Variants in CSMD1 observed in about 807,000 individuals in gnomAD.
CSMD1 encodes the protein CUB and Sushi multiple domains 1.
Under a neutral mutation model 417.5 loss-of-function variants are expected in CSMD1, and 213 were observed. That is an observed-to-expected ratio of 0.51 (90% confidence interval 0.46 to 0.57). The LOEUF is 0.57. Among genes scored for constraint, CSMD1 ranks in the 20% least tolerant of loss-of-function variants. The pLI is 0.00. For synonymous variants in CSMD1, 2,862 were observed against 1,736.8 expected (o/e 1.65, Z -16.11); for missense variants, 6,923 against 4,529.7 (o/e 1.53, Z -15.17).
At chr8:4,148,577 G>C (rs1024444038) in intron 3 of CSMD1, among the ~76,000 whole-genome samples, 2 of 152,080 alleles carry the variant, frequency 1.3e-5, no homozygotes, top group Non-Finnish European at 2.9e-5. Flanking sequence ...TCAAGCTCTA[G>C]GAGACCAGCT....
At chr8:4,081,388 G>T (rs1001539217) in intron 3 of CSMD1, among the ~76,000 whole-genome samples, 1 of 152,136 alleles carries the variant, frequency 6.6e-6, no homozygotes, top group Non-Finnish European at 1.5e-5. Flanking sequence ...TCTGAATATA[G>T]ATGATTATAA....
chr8:3,925,725 T>C (rs1321801079), intron 5 of CSMD1, among the ~76,000 whole-genome samples: 1 of 152,100 alleles, frequency 6.6e-6, no homozygotes, highest in African/African-American at 2.4e-5. Flanking sequence ...CCTCCCGCCA[T>C]GATTCTGAGG....
At chr8:4,888,497 T>A (rs1304995739) in intron 1 of CSMD1, among the ~76,000 whole-genome samples, 1 of 151,518 alleles carries the variant, frequency 6.6e-6, no homozygotes, top group Non-Finnish European at 1.5e-5. Context: ...AAGGATAGAC[T>A]GATAGATGAG....
At chr8:4,363,392 G>A (rs1020226086) in intron 3 of CSMD1, among the ~76,000 whole-genome samples, 1 of 151,990 alleles carries the variant, frequency 6.6e-6, no homozygotes, top group African/African-American at 2.4e-5. Context: ...TACGTAAGAG[G>A]GATAAAAAAA....
At chr8:3,944,524 T>C (rs1174619588) in intron 5 of CSMD1, among the ~76,000 whole-genome samples, 1 of 152,044 alleles carries the variant, frequency 6.6e-6, no homozygotes, top group East Asian at 1.9e-4. Flanking sequence ...AGAGTTTGAG[T>C]TTTAATTACC....
intron 2 of CSMD1, among the ~76,000 whole-genome samples, chr8:4,611,101 C>A (rs1448454542): frequency 6.6e-6 from 1 of 152,024 alleles, no homozygotes; most frequent in Non-Finnish European, 1.5e-5. Flanking sequence ...TTGCCTACTG[C>A]ACTCTTCTCC....
At chr8:4,915,736 G>A (rs1806021209) in intron 1 of CSMD1, among the ~76,000 whole-genome samples, 1 of 152,240 alleles carries the variant, frequency 6.6e-6, no homozygotes, top group Non-Finnish European at 1.5e-5. Flanking sequence ...TTTGGAGACA[G>A]ACATCCATTT....
intron 47 of CSMD1, among the ~76,000 whole-genome samples, chr8:3,093,840 G>T (rs28505886): frequency 0.061 from 9,223 of 152,218 alleles, 299 homozygotes; most frequent in Non-Finnish European, 0.08. Flanking sequence ...GAGAAGAAAT[G>T]ATATTAATAG....
At chr8:3,837,467 G>A (rs1802787099) in intron 5 of CSMD1, among the ~76,000 whole-genome samples, 1 of 152,074 alleles carries the variant, frequency 6.6e-6, no homozygotes, top group South Asian at 2.1e-4. Flanking sequence ...ATGTCCTCCT[G>A]GGACCTAATG....
Position 4,936,070 on chromosome 8 carries a change from T to C in CSMD1, c.85+58262A>G, listed in dbSNP as rs149927319. Among the ~76,000 whole-genome samples, 11 of 152,272 alleles carry C rather than the reference T, an allele frequency of 7.2e-5. No homozygotes were observed. The East Asian group carries it at 1.9e-3, about 27-fold the overall frequency. On this transcript the variant is annotated intron_variant, in intron 1 of 69. Transcript: ENST00000635120. ...TAATCAAAGAAACAGCAAAGGGAAA[T>C]TGAAATCATCATAGGCAAGGAGTGG...
At chr8:4,109,422 A>C (rs1399646064) in intron 3 of CSMD1, among the ~76,000 whole-genome samples, 1 of 152,200 alleles carries the variant, frequency 6.6e-6, no homozygotes, top group Non-Finnish European at 1.5e-5. Context: ...AATCACGGTG[A>C]AAGTTTCATC....
intron 2 of CSMD1, among the ~76,000 whole-genome samples, chr8:4,590,818 T>C (rs1446504824): frequency 6.6e-6 from 1 of 152,232 alleles, no homozygotes; most frequent in African/African-American, 2.4e-5. Flanking sequence ...TTTAAACATT[T>C]CTTAATAAAA....
rs376228051 is a variant in CSMD1, at chr8:4,580,219, T to A, written c.302+57123A>T. Among the ~76,000 whole-genome samples the A allele has an allele frequency of 3.9e-5, 6 of 152,342 alleles. No homozygotes were observed. In the East Asian group the frequency reaches 7.7e-4, roughly 20 times the overall value. On this transcript the variant is annotated intron_variant, in intron 2 of 69. Coordinates refer to ENST00000635120, the MANE Select transcript of CSMD1 (RefSeq NM_033225.6). ...GCCTGAGCTTGCCCCCTGCTGCCCTTCCCCTTGTGGGTACTGCCTTAACAC... is the reference window on the plus strand; with the variant it reads ...GCCTGAGCTTGCCCCCTGCTGCCCTACCCCTTGTGGGTACTGCCTTAACAC...
Position 3,366,997 on chromosome 8 carries a change from C to A in CSMD1, c.3115+35G>T, listed in dbSNP as rs752698093. On this transcript the variant is annotated intron_variant, in intron 20 of 69. Coordinates refer to ENST00000635120, the MANE Select transcript of CSMD1 (RefSeq NM_033225.6). ...ACTAACAGAAATGGCAGTATTGTTG[C>A]CAGAGGAGAGAAACAGCAAACAAGA... 8.6e-6 allele frequency: 13 copies of A among 1,513,188 alleles called. No individual in the cohort carries two copies. The South Asian group carries it at 1.5e-4, about 17-fold the overall frequency. 93.7% of individuals were successfully genotyped at this position (1,513,188 alleles called of 1,614,324 possible). A position where few individuals can be genotyped will look rare whatever the true frequency, so the allele number is the denominator to read the frequency against.
chr8:3,217,352 T>C (rs2116834870), intron 29 of CSMD1, among the ~76,000 whole-genome samples: 1 of 152,300 alleles, frequency 6.6e-6, no homozygotes, highest in South Asian at 2.1e-4. Flanking sequence ...CAAACAAAAA[T>C]TAAGGAAGTT....
At chr8:3,752,887 G>A (rs535069505) in intron 6 of CSMD1, among the ~76,000 whole-genome samples, 4 of 152,178 alleles carry the variant, frequency 2.6e-5, no homozygotes, top group Admixed American at 1.3e-4. Flanking sequence ...TGAAGGAAAC[G>A]ATGAAAGCAT....
intron 10 of CSMD1, among the ~76,000 whole-genome samples, chr8:3,508,328 A>C (rs938175327): frequency 7.2e-6 from 1 of 138,372 alleles, no homozygotes; most frequent in Non-Finnish European, 1.5e-5. Context: ...GGACACAGGA[A>C]GGGGAACATC....
chr8:4,418,272 A>T (rs1043670882), intron 3 of CSMD1, among the ~76,000 whole-genome samples: 10 of 152,170 alleles, frequency 6.6e-5, no homozygotes, highest in Non-Finnish European at 1.3e-4. Context: ...TTATGGCCCT[A>T]TTCCATTTTC....
At chr8:2,980,186 G>C (rs1214983810) in intron 54 of CSMD1, among the ~76,000 whole-genome samples, 3 of 152,214 alleles carry the variant, frequency 2.0e-5, no homozygotes, top group Non-Finnish European at 4.4e-5. Context: ...AACTGTGTTT[G>C]TAATCAAAGC....
Sources: allele counts gnomAD v4.1 joint callset (sites outside exome capture counted in the v4.1 genomes callset), GRCh38; gene constraint gnomAD v4.1.1; transcripts MANE v1.5; gene names NCBI Gene and HGNC (gene_info 2026-07-23, HGNC 2026-07-21).